The following KCNIP4 variants were observed in gnomAD, a reference collection of about 807,000 sequenced individuals.
The protein encoded by KCNIP4 is Kv channel-interacting protein 4.
Under a neutral mutation model 34.0 loss-of-function variants are expected in KCNIP4, and 12 were observed. The ratio of observed to expected loss-of-function variants is 0.35; its 90% CI spans 0.23 to 0.57. The LOEUF is 0.57. Ranked by LOEUF, KCNIP4 falls within the 20% of genes least tolerant of loss-of-function variation. KCNIP4 has a pLI of 0.83. For missense variants in KCNIP4, 238 were observed against 311.7 expected, an observed-to-expected ratio of 0.76 and a Z score of 1.78; for synonymous variants, 124 against 102.2, an observed-to-expected ratio of 1.21 and a Z score of -1.29.
intron 1 of KCNIP4, among the ~76,000 whole-genome samples, chr4:21,020,022 G>A (rs928110215): frequency 1.2e-4 from 19 of 152,128 alleles, no homozygotes; most frequent in Non-Finnish European, 2.2e-4. Flanking sequence ...TTTCCAGAGA[G>A]TATTTTAAAA....
At position 21,502,156 on chromosome 4, in the gene KCNIP4, A is replaced by G. The variant is rs76190989; in HGVS notation, c.61+446415T>C. ...AGTATAAAGGAGAAATTTACTTTAT[A>G]AAAATTGTAATATCTTAGTAGCCCA... On this transcript the variant is annotated intron_variant, in intron 1 of 8. Transcript: ENST00000382152. Among the ~76,000 whole-genome samples the G allele has an allele frequency of 0.012, 1,757 of 152,216 alleles. 72 individuals are homozygous for G. The East Asian group carries it at 0.12, about 10-fold the overall frequency.
At chr4:20,864,670 G>A (rs1003994029) in intron 2 of KCNIP4, among the ~76,000 whole-genome samples, 5 of 151,986 alleles carry the variant, frequency 3.3e-5, no homozygotes, top group Admixed American at 6.6e-5. Context: ...CAGAAAATTA[G>A]TAGCAAAAGG....
intron 3 of KCNIP4, among the ~76,000 whole-genome samples, chr4:20,845,574 C>T (rs1459767854): frequency 6.6e-6 from 1 of 152,170 alleles, no homozygotes; most frequent in Non-Finnish European, 1.5e-5. Flanking sequence ...CACACTTAGC[C>T]TGTTCAGGTT....
chr4:21,323,781 T>A (rs1404390339), intron 1 of KCNIP4, among the ~76,000 whole-genome samples: 2 of 152,128 alleles, frequency 1.3e-5, no homozygotes, highest in East Asian at 3.9e-4. Flanking sequence ...AGCAGTGGAA[T>A]TTATGGATCA....
At chr4:21,938,974 T>G (rs1730043767) in intron 1 of KCNIP4, among the ~76,000 whole-genome samples, 1 of 152,154 alleles carries the variant, frequency 6.6e-6, no homozygotes, top group Admixed American at 6.5e-5. Flanking sequence ...TTCTCAAAAA[T>G]ATTTCTAAAA....
chr4:21,462,672 A>AACAT (rs1258921644), intron 1 of KCNIP4, among the ~76,000 whole-genome samples: 3 of 151,774 alleles, frequency 2.0e-5, no homozygotes, highest in African/African-American at 7.3e-5. Context: ...TTTCTGTGTT[A>AACAT]GGTTTATTTC....
chr4:21,668,490 G>A (rs1334691221), intron 1 of KCNIP4, among the ~76,000 whole-genome samples: 1 of 151,852 alleles, frequency 6.6e-6, no homozygotes, highest in Admixed American at 6.6e-5. Context: ...ATTAAAAGCG[G>A]GTATAAAACT....
At chr4:21,207,481 A>G (rs577936833) in intron 1 of KCNIP4, among the ~76,000 whole-genome samples, 2 of 152,324 alleles carry the variant, frequency 1.3e-5, no homozygotes, top group African/African-American at 4.8e-5. Context: ...AATAAGTGAA[A>G]CACACACTTA....
intron 3 of KCNIP4, among the ~76,000 whole-genome samples, chr4:20,795,620 G>T (rs556064384): frequency 6.6e-6 from 1 of 152,060 alleles, no homozygotes; most frequent in Non-Finnish European, 1.5e-5. Flanking sequence ...TTTGGGTTGC[G>T]CTCAAGCCAG....
chr4:20,801,296 A>G (rs1353672512), intron 3 of KCNIP4, among the ~76,000 whole-genome samples: 1 of 151,946 alleles, frequency 6.6e-6, no homozygotes. Flanking sequence ...TTCAAAAAAA[A>G]AAAAAGAAAA....
chr4:21,385,487 C>T (rs952260580), intron 1 of KCNIP4, among the ~76,000 whole-genome samples: 2 of 152,158 alleles, frequency 1.3e-5, no homozygotes, highest in South Asian at 4.1e-4. Context: ...CTGTCTCTTC[C>T]ACTTCCTAAG....
In KCNIP4 at chr4:21,509,565, T is replaced by A. The variant is rs117532801; in HGVS notation, c.61+439006A>T. On this transcript the variant is annotated intron_variant, in intron 1 of 8. Coordinates refer to ENST00000382152, the MANE Select transcript of KCNIP4 (RefSeq NM_025221.6). ...TAATCCTCACAATCCTATAGCCTGATACCATTAATATACCCATTATAGATG... is the reference window on the plus strand; with the variant it reads ...TAATCCTCACAATCCTATAGCCTGAAACCATTAATATACCCATTATAGATG... Among the ~76,000 whole-genome samples the A allele has an allele frequency of 1.3e-3, 191 of 152,306 alleles. No homozygotes were observed. The East Asian group carries it at 0.013, about 11-fold the overall frequency.
chr4:20,981,100 G>T (rs1322893249), intron 1 of KCNIP4, among the ~76,000 whole-genome samples: 5 of 152,124 alleles, frequency 3.3e-5, no homozygotes, highest in African/African-American at 1.2e-4. Flanking sequence ...TAGGATAGAG[G>T]TGTCACCTTC....
At chr4:20,872,701 T>C (rs896961228) in intron 2 of KCNIP4, among the ~76,000 whole-genome samples, 16 of 152,168 alleles carry the variant, frequency 1.1e-4, no homozygotes, top group Admixed American at 6.6e-5. Context: ...AAGAAGGCTC[T>C]CATTTATCTA....
chr4:21,433,880 A>G (rs1309752691), intron 1 of KCNIP4, among the ~76,000 whole-genome samples: 1 of 152,238 alleles, frequency 6.6e-6, no homozygotes, highest in African/African-American at 2.4e-5. Context: ...TATAAATAAT[A>G]CAAGACAAAT....
intron 1 of KCNIP4, among the ~76,000 whole-genome samples, chr4:21,710,301 C>T (rs1288888393): frequency 6.6e-6 from 1 of 152,122 alleles, no homozygotes; most frequent in Non-Finnish European, 1.5e-5. Flanking sequence ...CACTCACACA[C>T]TCCCCTGGAA....
intron 1 of KCNIP4, among the ~76,000 whole-genome samples, chr4:21,002,996 T>G (rs1178357764): frequency 1.3e-5 from 2 of 152,198 alleles, no homozygotes; most frequent in Non-Finnish European, 2.9e-5. Context: ...GAGTATCATT[T>G]TCTGACTGCT....
At chr4:21,138,014 G>A (rs1219731161) in intron 1 of KCNIP4, among the ~76,000 whole-genome samples, 2 of 151,860 alleles carry the variant, frequency 1.3e-5, no homozygotes, top group African/African-American at 4.8e-5. Flanking sequence ...TGGGACTACA[G>A]GCACATGCCA....
At chr4:21,879,914 T>C (rs900454100) in intron 1 of KCNIP4, among the ~76,000 whole-genome samples, 1 of 151,944 alleles carries the variant, frequency 6.6e-6, no homozygotes, top group African/African-American at 2.4e-5. Context: ...ATAAGGGGCT[T>C]TTTTTCCCCA....
Sources: gnomAD v4.1 joint callset for allele counts (sites outside exome capture counted in the v4.1 genomes callset) on GRCh38, gnomAD v4.1.1 for gene constraint, MANE v1.5 for transcripts, NCBI Gene and HGNC (gene_info 2026-07-23, HGNC 2026-07-21) for gene names.